Variants in TMC3 observed in about 807,000 individuals in gnomAD.
The protein encoded by TMC3 is transmembrane channel like 3.
TMC3 carries 98 observed loss-of-function variants against 110.6 expected under a neutral mutation model. That is an observed-to-expected ratio of 0.89 (90% CI 0.75 to 1.05). The LOEUF is 1.05. Ranked by LOEUF, TMC3 falls within the 50% of genes least tolerant of loss-of-function variation. The pLI is 0.00. For missense variants in TMC3, 1,319 were observed against 1,373.2 expected (o/e 0.96, Z 0.62); for synonymous variants, 489 against 513.1 (o/e 0.95, Z 0.63).
At chr15:81,355,036 A>G (rs1259361373) in intron 9 of TMC3, among the ~76,000 whole-genome samples, 2 of 152,052 alleles carry the variant, frequency 1.3e-5, no homozygotes, top group Non-Finnish European at 2.9e-5. Context: ...CTGACTCCCT[A>G]TGGACAGCCC....
chr15:81,353,118 G>A (rs7163851), intron 9 of TMC3, among the ~76,000 whole-genome samples: 23,806 of 151,828 alleles, frequency 0.16, 3,549 homozygotes, highest in African/African-American at 0.4. Context: ...CACCACATCC[G>A]GCCTGGTCTT....
intron 1 of TMC3, 113 bp from the exon 2 acceptor site, chr15:81,372,850 G>C (rs1894467024): frequency 9.9e-7 from 1 of 1,009,630 alleles, no homozygotes; most frequent in African/African-American, 1.6e-5. Context: ...TCATCTGTAT[G>C]AAATGTGTAT....
chr15:81,339,577 G>C (rs1596080274), intron 16 of TMC3, 73 bp from the exon 17 acceptor site: 2 of 1,164,926 alleles, frequency 1.7e-6, no homozygotes. Context: ...TGCCCAAAGA[G>C]CTGCCACAGA....
intron 18 of TMC3, 106 bp downstream of exon 18, chr15:81,338,549 G>A: frequency 6.8e-7 from 1 of 1,466,576 alleles, no homozygotes; most frequent in South Asian, 1.3e-5. Context: ...AAGCCTAAGT[G>A]ATTTTTGAAT....
In TMC3 at chr15:81,334,917, G is replaced by A; in HGVS notation, c.2262C>T (p.Thr754=). ...CCGAGTGCGCTGAGGACAGCTGGCT[G>A]GTAAGATCACTGTCGTTTGGAAGCT... ...TKKLPNDSDL[T]SQLSSAHSGT... The change falls in exon 21 of 22, where the codon ACC becomes ACT. Residue 754 remains threonine, a synonymous_variant. Transcript: ENST00000359440. The A allele has an allele frequency of 4.3e-6, 7 of 1,614,064 alleles. No homozygotes were observed. Among genetic ancestry groups the A allele is most frequent in the Non-Finnish European group, 5.9e-6 (7 of 1,179,902 alleles).
chr15:81,346,343 A>G (rs769574001), intron 12 of TMC3, 22 bp downstream of exon 12: 19 of 1,610,818 alleles, frequency 1.2e-5, no homozygotes, highest in South Asian at 5.5e-5. Context: ...GGGGCAGGCA[A>G]CTATCTGGGA....
Position 81,346,396 on chromosome 15 carries a change from A to G in TMC3, c.1241T>C (p.Leu414Pro). 1 of 1,613,854 alleles carries G rather than the reference A, an allele frequency of 6.2e-7. No individual in the cohort carries two copies. ...LGNLYSLIIA[L>P]LDKVNSMSIE... ...GCTCATGCTGTTAACTTTGTCCAGG[A>G]GAGCAATGATCAGGCTGTAGAGATT... is the stretch of plus-strand genomic sequence containing the variant. Residue 414 changes from leucine to proline, a missense_variant, in exon 12 of 22, where the codon CTC becomes CCC. Transcript: ENST00000359440.
intron 11 of TMC3, 51 bp downstream of exon 11, chr15:81,349,407 G>T: frequency 8.3e-7 from 1 of 1,211,254 alleles, no homozygotes; most frequent in Non-Finnish European, 1.1e-6. Context: ...CCCACTGTGG[G>T]TGGGCACATG....
At chr15:81,345,831 T>A (rs1311846113) in intron 12 of TMC3, among the ~76,000 whole-genome samples, 4 of 152,032 alleles carry the variant, frequency 2.6e-5, no homozygotes, top group Non-Finnish European at 5.9e-5. Flanking sequence ...GAGCAGTGAT[T>A]GTGCCACTGC....
intron 7 of TMC3, 92 bp downstream of exon 7, chr15:81,358,057 T>C: frequency 7.1e-7 from 1 of 1,400,244 alleles, no homozygotes; most frequent in Non-Finnish European, 9.5e-7. Context: ...GCAGTCATAC[T>C]TTTTTAAAAG....
At chr15:81,357,170 T>A (rs764948108) in intron 7 of TMC3, among the ~76,000 whole-genome samples, 3 of 152,054 alleles carry the variant, frequency 2.0e-5, no homozygotes, top group African/African-American at 7.2e-5. Context: ...GTCTCTTACA[T>A]TGTATGTCTA....
intron 15 of TMC3, among the ~76,000 whole-genome samples, chr15:81,342,125 A>C (rs117148010): frequency 1.3e-5 from 2 of 152,362 alleles, no homozygotes; most frequent in Non-Finnish European, 2.9e-5. Flanking sequence ...GACAAGAACC[A>C]GATCATCCCA....
intron 20 of TMC3, among the ~76,000 whole-genome samples, chr15:81,335,392 A>G (rs936074460): frequency 1.3e-5 from 2 of 152,216 alleles, no homozygotes; most frequent in East Asian, 1.9e-4. Flanking sequence ...GGACAATGCT[A>G]TTGTTATCCT....
intron 19 of TMC3, among the ~76,000 whole-genome samples, chr15:81,337,346 G>A (rs1439815797): frequency 3.9e-5 from 6 of 152,234 alleles, no homozygotes; most frequent in Middle Eastern, 6.8e-3. Context: ...TTTTGGGAGC[G>A]TGTGTCTCCC....
chr15:81,365,970 TATC>T (rs1161360616), intron 3 of TMC3, among the ~76,000 whole-genome samples: 9 of 152,346 alleles, frequency 5.9e-5, no homozygotes, highest in Non-Finnish European at 1.2e-4. Context: ...TACATGCACA[TATC>T]ATTATACATA....
chr15:81,355,538 G>A (rs1375875769), intron 9 of TMC3, among the ~76,000 whole-genome samples, 187 bp downstream of exon 9: 3 of 152,178 alleles, frequency 2.0e-5, no homozygotes, highest in African/African-American at 7.2e-5. Context: ...TCTATGGAAG[G>A]AGGAAGTCGT....
At chr15:81,354,994 T>G (rs1894028800) in intron 9 of TMC3, among the ~76,000 whole-genome samples, 1 of 152,204 alleles carries the variant, frequency 6.6e-6, no homozygotes, top group East Asian at 1.9e-4. Flanking sequence ...GTTATCGACA[T>G]TAATGACAGA....
At chr15:81,346,236 A>G (rs1893825601) in intron 12 of TMC3, 129 bp downstream of exon 12, 1 of 859,416 alleles carries the variant, frequency 1.2e-6, no homozygotes, top group African/African-American at 1.7e-5. Context: ...CAGCAAAGTC[A>G]AGTTTTGCAC....
At position 81,343,945 on chromosome 15, in the gene TMC3, T is replaced by G. The variant is rs762827521; in HGVS notation, c.1619A>C (p.Tyr540Ser). ...CTTGCTCTCCAGATCCCAACACCAG[T>G]AGTCACTTAAGTACCGCACGAAAAG... ...RGLFVRYLSD[Y>S]WCWDLESKFP... Residue 540 changes from tyrosine (Y) to serine (S), a missense_variant, in exon 14 of 22, where the codon TAC becomes TCC. Coordinates refer to ENST00000359440, the MANE Select transcript of TMC3 (RefSeq NM_001080532.3). 1.2e-5 allele frequency: 20 copies of G among 1,612,824 alleles called. No individual in the cohort carries two copies. The highest frequency in any genetic ancestry group is 1.5e-5 in the Non-Finnish European group (18 of 1,179,188).
Sources: gnomAD v4.1 joint callset for allele counts (sites outside exome capture counted in the v4.1 genomes callset) on GRCh38, gnomAD v4.1.1 for gene constraint, MANE v1.5 for transcripts, NCBI Gene and HGNC (gene_info 2026-07-23, HGNC 2026-07-21) for gene names.